NDUFS1: variants seen among roughly 807,000 people sequenced by gnomAD.
NDUFS1 encodes NADH-ubiquinone oxidoreductase 75 kDa subunit, mitochondrial.
In NDUFS1, 61 loss-of-function variants were observed where a neutral mutation model predicts 84.4. That is an observed-to-expected ratio of 0.72 (90% CI 0.59 to 0.89). The LOEUF (loss-of-function observed/expected upper bound fraction) is 0.89, where lower values mean the gene tolerates loss of function less well. Ranked by LOEUF, NDUFS1 falls within the 40% of genes least tolerant of loss-of-function variation. The probability of loss-of-function intolerance (pLI) is 0.00; values close to 1 mark genes in which losing one functional copy is unlikely to be tolerated. For synonymous variants in NDUFS1, 275 were observed against 290.0 expected (o/e 0.95, Z 0.53); for missense variants, 891 against 890.0 (o/e 1.00, Z -0.01).
In NDUFS1 at chr2:206,133,098, T is replaced by C; in HGVS notation, c.1400A>G (p.Lys467Arg). 1.2e-6 allele frequency: 2 copies of C among 1,606,320 alleles called. No individual in the cohort carries two copies. Among genetic ancestry groups the C allele is most frequent in the Non-Finnish European group, 1.7e-6 (2 of 1,177,154 alleles). ...AACCACCATTGGTTTTTTAGCTTCCTTTAGGACCTATTTAAAAAAAAAAAC... is the reference window on the plus strand; with the variant it reads ...AACCACCATTGGTTTTTTAGCTTCCCTTAGGACCTATTTAAAAAAAAAAAC... ...SGSHPFSQVL[K>R]EAKKPMVVLG... Residue 467 changes from lysine (K) to arginine (R), a missense_variant, in exon 14 of 19, where the codon AAG becomes AGG. Physicochemically the swap from Lys to Arg is conservative, Grantham distance 26. Transcript: ENST00000233190.
chr2:206,152,431 C>A lies in NDUFS1; in HGVS notation c.141G>T (p.Thr47=). ...AATGTATGCCTACTTGGAGGACGGT[C>A]GTTCCCGGTTCCACCATGACAGACT... ...DGQSVMVEPG[T]TVLQACEKVG... is the part of the protein sequence containing the mutation. Residue 47 remains threonine (T), a synonymous_variant, in exon 3 of 19, where the codon ACG becomes ACT. Transcript: ENST00000233190. The A allele has an allele frequency of 6.2e-7, 1 of 1,613,978 alleles. No homozygotes were observed.
chr2:206,142,905 A>T, intron 10 of NDUFS1, 74 bp from the exon 11 acceptor site: 1 of 1,572,086 alleles, frequency 6.4e-7, no homozygotes, highest in South Asian at 1.1e-5. Flanking sequence ...TTCAGAAAAT[A>T]AAACAGTACT....
In NDUFS1 at chr2:206,124,149, A is replaced by AT. The variant is rs766956580; in HGVS notation, c.*35dup. The stretch of plus-strand genomic sequence containing the variant: ...ATCACTGCACTACAGTTGTCCATTA[A>AT]TTATCTGCGGCAAAACTGGGATCCT... On this transcript the variant is annotated 3_prime_UTR_variant, in exon 19 of 19. Transcript: ENST00000233190. 10 of 1,369,272 alleles carry AT rather than the reference A, an allele frequency of 7.3e-6. No homozygotes were observed. In the African/African-American group the frequency reaches 1.1e-4, roughly 16 times the overall value. 84.8% of individuals were successfully genotyped at this position (1,369,272 alleles called of 1,614,324 possible).
At chr2:206,135,674 CA>C (rs1464089958) in intron 13 of NDUFS1, among the ~76,000 whole-genome samples, 9 of 136,258 alleles carry the variant, frequency 6.6e-5, no homozygotes, top group Non-Finnish European at 4.8e-5. Flanking sequence ...GACTCTGTCT[CA>C]AAAAAAAAAG....
intron 13 of NDUFS1, among the ~76,000 whole-genome samples, chr2:206,138,037 G>A (rs79688284): frequency 0.021 from 3,185 of 152,176 alleles, 50 homozygotes; most frequent in Middle Eastern, 0.048. Flanking sequence ...TTTTGGGGTG[G>A]TGGAATTTTA....
rs750635093 is a variant in NDUFS1 at position 206,141,989 on chromosome 2, G to C, written c.1214C>G (p.Thr405Arg). The C allele has an allele frequency of 6.2e-7, 1 of 1,611,018 alleles. No homozygotes were observed. The highest frequency in any genetic ancestry group is 1.1e-5 in the South Asian group (1 of 91,020). The stretch of plus-strand genomic sequence containing the variant: ...CAGTGGTGCCTCAAAACGTGGGTTT[G>C]TACCAACCAGAAGAACAACATCTGC... ...EEADVVLLVG[T>R]NPRFEAPLFN... Residue 405 changes from threonine (T) to arginine (R), a missense_variant, in exon 12 of 19, where the codon ACA (threonine) becomes AGA (arginine). Coordinates refer to ENST00000233190, the MANE Select transcript of NDUFS1 (RefSeq NM_005006.7).
chr2:206,153,646 TAC>T lies in NDUFS1; in HGVS notation c.31_32del (p.Val11ArgfsTer4), dbSNP rs1280273917. On this transcript the variant is annotated frameshift_variant, in exon 2 of 19. Coordinates refer to ENST00000233190, the MANE Select transcript of NDUFS1 (RefSeq NM_005006.7). LOFTEE classifies it high-confidence loss of function. ...ATCCTTTAGGAGACTTAGAAAGGCC[TAC>T]TAAGGCCTTTCTTACAGGTATCCTT... MLRIPVRKAL[V>X]GLSKSPKGCV... 2 of 1,546,642 alleles carry T rather than the reference TAC, an allele frequency of 1.3e-6. No individual in the cohort carries two copies. The highest frequency in any genetic ancestry group is 1.8e-6 in the Non-Finnish European group (2 of 1,121,450).
In NDUFS1 at chr2:206,144,997, G is replaced by A. The variant is rs773373927; in HGVS notation, c.767C>T (p.Ala256Val). The A allele has an allele frequency of 8.1e-6, 13 of 1,613,496 alleles. No homozygotes were observed. Among genetic ancestry groups the A allele is most frequent in the East Asian group, 2.2e-5 (1 of 44,878 alleles). The change falls in exon 9 of 19, where the codon GCG becomes GTG. Residue 256 changes from alanine to valine, a missense_variant. Coordinates refer to ENST00000233190, the MANE Select transcript of NDUFS1 (RefSeq NM_005006.7). The stretch of plus-strand genomic sequence containing the variant: ...GCTAACCACAATATTACTTCCAACC[G>A]CATCCATTACATCAATGGATTCTGT... ...RKTESIDVMDAVGSNIVVSTR... is the reference protein window; with the variant it reads ...RKTESIDVMDVVGSNIVVSTR...
At chr2:206,141,804 A>AG in intron 12 of NDUFS1, 137 bp downstream of exon 12, 1 of 810,310 alleles carries the variant, frequency 1.2e-6, no homozygotes, top group Non-Finnish European at 1.9e-6. Flanking sequence ...CCACCAAAAA[A>AG]AAAAAAAAAA....
intron 8 of NDUFS1, 131 bp from the exon 9 acceptor site, chr2:206,145,157 G>A: frequency 2.3e-6 from 2 of 879,378 alleles, no homozygotes; most frequent in Non-Finnish European, 3.4e-6. Flanking sequence ...AAGCTTAGAG[G>A]AACTGCAATT....
In NDUFS1 at chr2:206,122,278, T is replaced by C. The variant is rs1368706637; in HGVS notation, c.*1907A>G. On this transcript the variant is annotated 3_prime_UTR_variant, in exon 19 of 19. Coordinates refer to ENST00000233190, the MANE Select transcript of NDUFS1 (RefSeq NM_005006.7). ...GTGTGAGCCACTGCACCTGCTGTTT[T>C]TAAAGATATTGTAACATACTATTAT... is the stretch of plus-strand genomic sequence containing the variant. The C allele has an allele frequency of 6.6e-6, 1 of 152,042 alleles. No homozygotes were observed. Among genetic ancestry groups the C allele is most frequent in the Non-Finnish European group, 1.5e-5 (1 of 68,018 alleles). The allele number at this position is 152,042 out of a possible 1,614,324, so 9.4% of individuals were successfully genotyped here.
In NDUFS1 at chr2:206,147,028, CAT is replaced by C. The variant is rs1692180415; in HGVS notation, c.610_611del (p.Met204AlafsTer7). The C allele has an allele frequency of 1.2e-6, 2 of 1,614,024 alleles. No homozygotes were observed. Among genetic ancestry groups the C allele is most frequent in the African/African-American group, 2.7e-5 (2 of 74,920 alleles). On this transcript the variant is annotated frameshift_variant, in exon 8 of 19. Coordinates refer to ENST00000233190, the MANE Select transcript of NDUFS1 (RefSeq NM_005006.7). LOFTEE classifies it high-confidence loss of function. Reference sequence around the variant, plus strand: ...TCTTTTCAATGTATGTGCCAACTTGCATATCATTTCCTCTGCCTGTTGTTCCC... The same window carrying C: ...TCTTTTCAATGTATGTGCCAACTTGCATCATTTCCTCTGCCTGTTGTTCCC... Reference protein sequence around the residue: ...DLGTTGRGNDMQVGTYIEKMF... With the variant: ...DLGTTGRGNDXQVGTYIEKMF...
chr2:206,140,771 G>A (rs1211158837), intron 12 of NDUFS1, among the ~76,000 whole-genome samples: 1 of 151,842 alleles, frequency 6.6e-6, no homozygotes, highest in East Asian at 1.9e-4. Context: ...GAGCCACCAC[G>A]CCCAGCCTAA....
At chr2:206,143,095 T>C (rs954394347) in intron 10 of NDUFS1, among the ~76,000 whole-genome samples, 1 of 151,974 alleles carries the variant, frequency 6.6e-6, no homozygotes, top group Non-Finnish European at 1.5e-5. Flanking sequence ...CTACTAATAA[T>C]ACAAAAATCA....
At chr2:206,148,272 C>A (rs111833372) in intron 5 of NDUFS1, among the ~76,000 whole-genome samples, 3 of 152,086 alleles carry the variant, frequency 2.0e-5, no homozygotes, top group African/African-American at 7.2e-5. Context: ...ATTTGTTATA[C>A]AATTAATAGT....
rs745702497 is a variant in NDUFS1 at position 206,130,218 on chromosome 2, C to G, written c.1578G>C (p.Leu526Phe). 1 of 1,614,066 alleles carries G rather than the reference C, an allele frequency of 6.2e-7. No individual in the cohort carries two copies. Among genetic ancestry groups the G allele is most frequent in the Admixed American group, 1.7e-5 (1 of 60,002 alleles). The change falls in exon 15 of 19, where the codon TTG (leucine) becomes TTC (phenylalanine). Residue 526 changes from leucine (L) to phenylalanine (F), a missense_variant. Physicochemically the swap from Leu to Phe is conservative, Grantham distance 22. Coordinates refer to ENST00000233190, the MANE Select transcript of NDUFS1 (RefSeq NM_005006.7). ...CCACCCCAGGCTTATAGCCAAGGTC[C>G]AAAGCAGCTACTTGACTTGCAATCC... ...LHRIASQVAA[L>F]DLGYKPGVEA...
intron 10 of NDUFS1, 86 bp from the exon 11 acceptor site, chr2:206,142,917 G>T: frequency 6.5e-7 from 1 of 1,540,188 alleles, no homozygotes; most frequent in Non-Finnish European, 8.8e-7. Context: ...AACAGTACTT[G>T]TTTTCAAGTA....
rs1421421761 is a variant in NDUFS1, at chr2:206,149,054, T to C, written c.304A>G (p.Ile102Val). 4 of 1,613,492 alleles carry C rather than the reference T, an allele frequency of 2.5e-6. No homozygotes were observed. Among genetic ancestry groups the C allele is most frequent in the Admixed American group, 3.3e-5 (2 of 60,002 alleles). ...CAMPVMKGWN[I>V]LTNSEKSKKA... Reference sequence around the variant, plus strand: ...TTGGATTTTTCTGAGTTTGTTAGGATATTCCAACCCTTCATTACTGGCATG... The same window carrying C: ...TTGGATTTTTCTGAGTTTGTTAGGACATTCCAACCCTTCATTACTGGCATG... The change falls in exon 5 of 19, where the codon ATC (isoleucine) becomes GTC (valine). Residue 102 changes from isoleucine to valine, a missense_variant. By Grantham distance (29) the Ile-to-Val change is conservative. Coordinates refer to ENST00000233190, the MANE Select transcript of NDUFS1 (RefSeq NM_005006.7).
intron 16 of NDUFS1, among the ~76,000 whole-genome samples, chr2:206,127,228 T>C (rs1259426373): frequency 2.0e-5 from 3 of 152,160 alleles, no homozygotes; most frequent in Admixed American, 6.6e-5. Flanking sequence ...TCAACAATTT[T>C]CAACAATAAA....
Sources: allele counts gnomAD v4.1 joint callset (sites outside exome capture counted in the v4.1 genomes callset), GRCh38; gene constraint gnomAD v4.1.1; transcripts MANE v1.5; gene names NCBI Gene and HGNC (gene_info 2026-07-23, HGNC 2026-07-21).